The following MOB3B variants were observed in gnomAD, a reference collection of about 807,000 sequenced individuals.
The protein encoded by MOB3B is MOB kinase activator-like 2B.
A neutral mutation model predicts 18.7 loss-of-function variants in MOB3B; 7 were observed. That is an observed-to-expected ratio of 0.37 (90% CI 0.21 to 0.70). MOB3B has a LOEUF of 0.70. Ranked by LOEUF, MOB3B falls within the 30% of genes least tolerant of loss-of-function variation. The pLI is 0.52. For missense variants in MOB3B, 253 were observed against 281.3 expected (o/e 0.90, Z 0.72); for synonymous variants, 111 against 99.9 (o/e 1.11, Z -0.66).
chr9:27,427,853 C>T (rs569668799), intron 2 of MOB3B, among the ~76,000 whole-genome samples: 1 of 152,162 alleles, frequency 6.6e-6, no homozygotes, highest in African/African-American at 2.4e-5. Flanking sequence ...CCTTTGCTTC[C>T]CTCCCTCCTA....
intron 1 of MOB3B, among the ~76,000 whole-genome samples, chr9:27,524,050 G>T (rs768682498): frequency 8.7e-5 from 13 of 149,744 alleles, no homozygotes; most frequent in Non-Finnish European, 1.6e-4. Flanking sequence ...TGCTGGGATG[G>T]ATCATCCAGG....
intron 2 of MOB3B, among the ~76,000 whole-genome samples, chr9:27,432,749 G>C (rs142362791): frequency 6.6e-6 from 1 of 152,242 alleles, no homozygotes; most frequent in East Asian, 1.9e-4. Flanking sequence ...TCCATTCTGG[G>C]CTATGCATTT....
chr9:27,407,033 T>C (rs1340849273), intron 2 of MOB3B, among the ~76,000 whole-genome samples: 1 of 152,054 alleles, frequency 6.6e-6, no homozygotes, highest in Non-Finnish European at 1.5e-5. Flanking sequence ...GCGACGGGGT[T>C]TCACCATGTT....
intron 2 of MOB3B, among the ~76,000 whole-genome samples, chr9:27,446,599 T>A (rs1017590022): frequency 6.6e-6 from 1 of 152,170 alleles, no homozygotes; most frequent in Non-Finnish European, 1.5e-5. Context: ...GATCCTTAGT[T>A]CTTTCTAACC....
At chr9:27,523,726 G>C (rs1454767365) in intron 1 of MOB3B, among the ~76,000 whole-genome samples, 2 of 152,074 alleles carry the variant, frequency 1.3e-5, no homozygotes, top group Non-Finnish European at 2.9e-5. Flanking sequence ...TCTTTTTGGA[G>C]ATCCAGAAAA....
chr9:27,517,301 TG>T (rs1820250132), intron 1 of MOB3B, among the ~76,000 whole-genome samples: 1 of 152,212 alleles, frequency 6.6e-6, no homozygotes, highest in African/African-American at 2.4e-5. Flanking sequence ...CAGATGATGA[TG>T]ATAACTATCA....
intron 2 of MOB3B, among the ~76,000 whole-genome samples, chr9:27,417,705 A>C (rs1229369200): frequency 6.6e-6 from 1 of 152,192 alleles, no homozygotes; most frequent in Non-Finnish European, 1.5e-5. Flanking sequence ...GAGGACTCAC[A>C]AGTACTTTAC....
chr9:27,526,981 A>C (rs1054858747), intron 1 of MOB3B, among the ~76,000 whole-genome samples: 38 of 152,252 alleles, frequency 2.5e-4, no homozygotes, highest in African/African-American at 8.7e-4. Flanking sequence ...AGAACGCATC[A>C]GCCCCTGTGA....
At position 27,371,844 on chromosome 9, in the gene MOB3B, T is replaced by C. The variant is rs75094453; in HGVS notation, c.419-12608A>G. On this transcript the variant is annotated intron_variant, in intron 2 of 3. Transcript: ENST00000262244. Reference sequence around the variant, plus strand: ...TTTCAAGATAATCCAGAAATCTAGATTCTTACATGAAACCTCCCCGTGGTT... The same window carrying C: ...TTTCAAGATAATCCAGAAATCTAGACTCTTACATGAAACCTCCCCGTGGTT... Among the ~76,000 whole-genome samples, 152 of 152,162 alleles carry C rather than the reference T, an allele frequency of 1.0e-3. 3 individuals carry two copies. In the East Asian group the frequency reaches 0.028, roughly 28 times the overall value.
At chr9:27,520,767 G>A (rs940316554) in intron 1 of MOB3B, among the ~76,000 whole-genome samples, 1 of 152,232 alleles carries the variant, frequency 6.6e-6, no homozygotes, top group Non-Finnish European at 1.5e-5. Context: ...GCAGAGGAAT[G>A]GCTCTCTGCA....
At chr9:27,360,640 G>A (rs1246264881) in intron 2 of MOB3B, among the ~76,000 whole-genome samples, 1 of 152,226 alleles carries the variant, frequency 6.6e-6, no homozygotes, top group African/African-American at 2.4e-5. Flanking sequence ...GAAGCCTGGA[G>A]TTTTGCTGTC....
chr9:27,364,797 A>G (rs929869724), intron 2 of MOB3B, among the ~76,000 whole-genome samples: 2 of 152,210 alleles, frequency 1.3e-5, no homozygotes, highest in South Asian at 4.1e-4. Flanking sequence ...TAGTTTTAGT[A>G]TCCCATTGAC....
intron 2 of MOB3B, among the ~76,000 whole-genome samples, chr9:27,370,865 A>G (rs1352363315): frequency 6.6e-6 from 1 of 152,126 alleles, no homozygotes; most frequent in African/African-American, 2.4e-5. Flanking sequence ...TTGAGTCACA[A>G]TCTGAAAACC....
chr9:27,511,232 G>GA (rs1301582579), intron 1 of MOB3B, among the ~76,000 whole-genome samples: 1 of 149,932 alleles, frequency 6.7e-6, no homozygotes, highest in African/African-American at 2.4e-5. Flanking sequence ...AAAAAAGAAA[G>GA]AAAGAAAAAC....
At chr9:27,412,513 T>C (rs904323454) in intron 2 of MOB3B, among the ~76,000 whole-genome samples, 4 of 152,204 alleles carry the variant, frequency 2.6e-5, no homozygotes, top group Admixed American at 6.5e-5. Flanking sequence ...TTTTTGTTTC[T>C]ATAGTTATTA....
At chr9:27,391,229 A>T (rs538751534) in intron 2 of MOB3B, among the ~76,000 whole-genome samples, 15 of 152,202 alleles carry the variant, frequency 9.9e-5, no homozygotes, top group Non-Finnish European at 2.1e-4. Context: ...GGCTGAGCAC[A>T]TCCTATTCAG....
chr9:27,400,980 A>C (rs1418631056), intron 2 of MOB3B, among the ~76,000 whole-genome samples: 1 of 152,236 alleles, frequency 6.6e-6, no homozygotes, highest in Non-Finnish European at 1.5e-5. Flanking sequence ...TATCTGCTTG[A>C]GAACTTGTGT....
chr9:27,393,699 C>T (rs1423277604), intron 2 of MOB3B, among the ~76,000 whole-genome samples: 1 of 152,118 alleles, frequency 6.6e-6, no homozygotes, highest in Non-Finnish European at 1.5e-5. Flanking sequence ...GACTTGGCCA[C>T]ATTTTATTCC....
In MOB3B at chr9:27,329,887, C is replaced by A. The variant is rs1820762297; in HGVS notation, c.*700G>T. 1 of 152,540 alleles carries A rather than the reference C, an allele frequency of 6.6e-6. No individual in the cohort carries two copies. The highest frequency in any genetic ancestry group is 1.5e-5 in the Non-Finnish European group (1 of 68,048). 9.4% of individuals were successfully genotyped at this position (152,540 alleles called of 1,614,324 possible). ...CTTTACGCTAGTAACCAGTCTCTTC[C>A]CTGCAGTTAGAACGTGAAGACCCTG... On this transcript the variant is annotated 3_prime_UTR_variant, in exon 4 of 4. Coordinates refer to ENST00000262244, the MANE Select transcript of MOB3B (RefSeq NM_024761.5).
Sources: gnomAD v4.1 joint callset for allele counts (sites outside exome capture counted in the v4.1 genomes callset) on GRCh38, gnomAD v4.1.1 for gene constraint, MANE v1.5 for transcripts, NCBI Gene and HGNC (gene_info 2026-07-23, HGNC 2026-07-21) for gene names.